Variants in TIMELESS observed in about 807,000 individuals in gnomAD.
The protein encoded by TIMELESS is protein timeless homolog.
Under a neutral mutation model 164.3 loss-of-function variants are expected in TIMELESS, and 124 were observed. The ratio of observed to expected loss-of-function variants is 0.75; its 90% CI spans 0.65 to 0.88. The LOEUF is 0.88. Among genes scored for constraint, TIMELESS ranks in the 40% least tolerant of loss-of-function variants. The probability of loss-of-function intolerance (pLI) is 0.00; values close to 1 mark genes in which losing one functional copy is unlikely to be tolerated. For missense variants in TIMELESS, 1,422 were observed against 1,491.4 expected, an observed-to-expected ratio of 0.95 and a Z score of 0.77; for synonymous variants, 564 against 563.4, an observed-to-expected ratio of 1.00 and a Z score of -0.02.
intron 1 of TIMELESS, among the ~76,000 whole-genome samples, chr12:56,447,182 GTTTTTTTTTTTTTT>G (rs144004569): frequency 1.1e-5 from 1 of 89,274 alleles, no homozygotes; most frequent in East Asian, 4.5e-4. Context: ...GCTAATTTTT[GTTTTTTTTTTTTTT>G]TTTTTTTTTT....
chr12:56,423,074 C>G, intron 18 of TIMELESS, 82 bp from the exon 19 acceptor site: 1 of 1,507,652 alleles, frequency 6.6e-7, no homozygotes, highest in South Asian at 1.3e-5. Context: ...TTCTCTATAG[C>G]TGTTCCCAGC....
intron 26 of TIMELESS, among the ~76,000 whole-genome samples, chr12:56,419,705 G>A (rs1881391011): frequency 6.6e-6 from 1 of 151,756 alleles, no homozygotes; most frequent in African/African-American, 2.4e-5. Flanking sequence ...TCTGGACAGA[G>A]GACTTGACCC....
At chr12:56,440,911 G>A (rs60484388) in intron 1 of TIMELESS, among the ~76,000 whole-genome samples, 3,691 of 152,138 alleles carry the variant, frequency 0.024, 121 homozygotes, top group African/African-American at 0.082. Flanking sequence ...TCTGCCTCCC[G>A]GGTTCAAACT....
rs57647901 is a variant in TIMELESS at position 56,420,006 on chromosome 12, C to CAAAAA, written c.3228+558_3228+562dup. On this transcript the variant is annotated intron_variant, in intron 26 of 28. Coordinates refer to ENST00000553532, the MANE Select transcript of TIMELESS (RefSeq NM_003920.5). ...TGGGTGATGGAGTGAGACTCTGTCT[C>CAAAAA]AAAAAAAAAAAAAAAAAAAAAAAAT... 2.4e-3 allele frequency among the ~76,000 whole-genome samples: 32 copies of CAAAAA among 13,272 alleles called. 2 individuals are homozygous for CAAAAA. The highest frequency in any genetic ancestry group is 4.5e-3 in the African/African-American group (13 of 2,912). The allele number at this position is 13,272 out of a possible 152,430, so 8.7% of individuals were successfully genotyped here.
intron 1 of TIMELESS, among the ~76,000 whole-genome samples, chr12:56,446,223 A>G (rs1868347900): frequency 6.6e-6 from 1 of 152,168 alleles, no homozygotes. Flanking sequence ...ATCTAGCCTC[A>G]ATATGGTTAC....
In TIMELESS at chr12:56,421,087, T is replaced by C; in HGVS notation, c.2916A>G (p.Glu972=). Residue 972 remains glutamate (E), a synonymous_variant, in exon 24 of 29, where the codon GAA becomes GAG. Coordinates refer to ENST00000553532, the MANE Select transcript of TIMELESS (RefSeq NM_003920.5). The part of the protein sequence containing the change: ...SLKDFCQEDL[E]EEENLPEEDS... ...CTTCCTCAGGCAGGTTTTCCTCTTC[T>C]TCCAGATCTTCCTGGCAAAAATCTT... is the stretch of plus-strand genomic sequence containing the variant. 3 of 1,614,220 alleles carry C rather than the reference T, an allele frequency of 1.9e-6. No individual in the cohort carries two copies. The highest frequency in any genetic ancestry group is 4.5e-5 in the East Asian group (2 of 44,888).
rs1046835077 is a variant in TIMELESS, at chr12:56,417,206, T to A, written c.*510A>T. On this transcript the variant is annotated 3_prime_UTR_variant, in exon 29 of 29. Transcript: ENST00000553532. ...TAGAGTACTATATTCCAACCCTATC[T>A]CAAATGCAGGAATGGGCCTCTATCT... 5 of 161,984 alleles carry A rather than the reference T, an allele frequency of 3.1e-5. No homozygotes were observed. Among genetic ancestry groups the A allele is most frequent in the Non-Finnish European group, 4.1e-5 (3 of 73,168 alleles). 10.0% of individuals were successfully genotyped at this position (161,984 alleles called of 1,614,324 possible). A position where few individuals can be genotyped will look rare whatever the true frequency, so the allele number is the denominator to read the frequency against.
intron 13 of TIMELESS, 77 bp downstream of exon 13, chr12:56,428,159 C>T: frequency 7.0e-7 from 1 of 1,418,964 alleles, no homozygotes; most frequent in African/African-American, 1.4e-5. Flanking sequence ...TTAAGCTGTA[C>T]AAACTGTGAG....
intron 15 of TIMELESS, among the ~76,000 whole-genome samples, 156 bp from the exon 16 acceptor site, chr12:56,424,050 T>G (rs570417994): frequency 1.3e-4 from 20 of 152,290 alleles, no homozygotes; most frequent in Middle Eastern, 6.8e-3. Context: ...CAGGGAAAAT[T>G]TTCCTCATAA....
intron 26 of TIMELESS, among the ~76,000 whole-genome samples, chr12:56,418,682 A>G (rs1264500638): frequency 6.6e-6 from 1 of 150,558 alleles, no homozygotes; most frequent in Admixed American, 6.7e-5. Flanking sequence ...GGATCAAGCT[A>G]TCCTCCTGCC....
chr12:56,418,867 A>G (rs1361116006), intron 26 of TIMELESS, among the ~76,000 whole-genome samples: 2 of 151,340 alleles, frequency 1.3e-5, no homozygotes, highest in East Asian at 3.9e-4. Context: ...ACACCTGGCT[A>G]TAGTTGTCAA....
At position 56,430,278 on chromosome 12, in the gene TIMELESS, G is replaced by C; in HGVS notation, c.913C>G (p.Arg305Gly). ...TTTCCCAAATCTGAACTGTAGTTTC[G>C]TAGCTGGGTGTGTCGGTTGGGGGAT... Reference protein sequence around the residue: ...LIFHKGLHNLRNYSSDLGKQP... With the variant: ...LIFHKGLHNLGNYSSDLGKQP... Residue 305 changes from arginine (R) to glycine (G), a missense_variant, in exon 10 of 29, where the codon CGA becomes GGA. Coordinates refer to ENST00000553532, the MANE Select transcript of TIMELESS (RefSeq NM_003920.5). 6.2e-7 allele frequency: 1 copy of C among 1,612,006 alleles called. No homozygotes were observed. The highest frequency in any genetic ancestry group is 8.5e-7 in the Non-Finnish European group (1 of 1,178,966).
intron 1 of TIMELESS, among the ~76,000 whole-genome samples, chr12:56,443,790 T>C (rs896010064): frequency 6.6e-6 from 1 of 151,980 alleles, no homozygotes; most frequent in Non-Finnish European, 1.5e-5. Flanking sequence ...TTAGGGAAAA[T>C]AGAAAAGAAC....
chr12:56,446,722 C>T (rs143982581), intron 1 of TIMELESS, among the ~76,000 whole-genome samples: 7,333 of 151,182 alleles, frequency 0.049, 250 homozygotes, highest in Middle Eastern at 0.12. Flanking sequence ...ATTCCAGCTA[C>T]TTGGGAGGCT....
Position 56,434,113 on chromosome 12 carries a change from A to T in TIMELESS, c.58T>A (p.Leu20Met). 1 of 1,614,226 alleles carries T rather than the reference A, an allele frequency of 6.2e-7. No homozygotes were observed. Among genetic ancestry groups the T allele is most frequent in the Non-Finnish European group, 8.5e-7 (1 of 1,180,040 alleles). Residue 20 changes from leucine (L) to methionine (M), a missense_variant, in exon 2 of 29, where the codon TTG (leucine) becomes ATG (methionine). Physicochemically the swap from Leu to Met is conservative, Grantham distance 15. Transcript: ENST00000553532. ...LLATCSALGYLEGDTYHKEPD... is the reference protein window; with the variant it reads ...LLATCSALGYMEGDTYHKEPD... Reference sequence around the variant, plus strand: ...TCCTTATGGTAAGTGTCTCCCTCCAAGTACCCAAGGGCACTACATGTGGCT... The same window carrying T: ...TCCTTATGGTAAGTGTCTCCCTCCATGTACCCAAGGGCACTACATGTGGCT...
chr12:56,428,874 C>G lies in TIMELESS; in HGVS notation c.1304+9G>C. On this transcript the variant is annotated intron_variant, in intron 11 of 28. Coordinates refer to ENST00000553532, the MANE Select transcript of TIMELESS (RefSeq NM_003920.5). ...AGCTCACTGTATCTCCAGTAACCAT[C>G]CCACTCACCGGCGTGCCCAGGAGGC... The G allele has an allele frequency of 6.2e-7, 1 of 1,612,752 alleles. No homozygotes were observed. The highest frequency in any genetic ancestry group is 1.1e-5 in the South Asian group (1 of 91,018).
chr12:56,433,216 C>G, intron 5 of TIMELESS, 89 bp from the exon 6 acceptor site: 2 of 1,446,876 alleles, frequency 1.4e-6, no homozygotes, highest in African/African-American at 2.8e-5. Context: ...AGAAGAGAAG[C>G]AGGATTAAAA....
chr12:56,430,567 A>G (rs1881842374), intron 9 of TIMELESS, among the ~76,000 whole-genome samples: 1 of 151,670 alleles, frequency 6.6e-6, no homozygotes, highest in Admixed American at 6.6e-5. Flanking sequence ...GGGTTTTGCC[A>G]TGTTGCCCAG....
Position 56,428,315 on chromosome 12 carries a change from C to T in TIMELESS, c.1499G>A (p.Arg500His), listed in dbSNP as rs141152531. 300 of 1,613,530 alleles carry T rather than the reference C, an allele frequency of 1.9e-4. No homozygotes were observed. Among genetic ancestry groups the T allele is most frequent in the Middle Eastern group, 3.3e-4 (2 of 6,056 alleles). Residue 500 changes from arginine to histidine, a missense_variant, in exon 13 of 29, where the codon CGT (arginine) becomes CAT (histidine). Physicochemically the swap from Arg to His is conservative, Grantham distance 29 (BLOSUM62 0). Transcript: ENST00000553532. The part of the protein sequence containing the change: ...DERCQPRSFL[R>H]DLVETTHLFL... ...GAGGTGGGTGGTCTCCACCAGGTCA[C>T]GAAGGAAAGAGCGGGGCTGGCATCT...
Sources: gnomAD v4.1 joint callset for allele counts (sites outside exome capture counted in the v4.1 genomes callset) on GRCh38, gnomAD v4.1.1 for gene constraint, MANE v1.5 for transcripts, NCBI Gene and HGNC (gene_info 2026-07-23, HGNC 2026-07-21) for gene names.